AKAP6: variants seen among roughly 807,000 people sequenced by gnomAD.
AKAP6 encodes A-kinase anchoring protein 6.
A neutral mutation model predicts 188.5 loss-of-function variants in AKAP6; 58 were observed. The ratio of observed to expected loss-of-function variants is 0.31; its 90% CI spans 0.25 to 0.38. AKAP6 has a LOEUF of 0.38. AKAP6 is among the 10% of genes least tolerant of loss of function. AKAP6 has a pLI of 1.00. For missense variants in AKAP6, 2,710 were observed against 2,740.0 expected (o/e 0.99, Z 0.24); for synonymous variants, 989 against 998.6 (o/e 0.99, Z 0.18).
intron 1 of AKAP6, among the ~76,000 whole-genome samples, chr14:32,336,986 C>T (rs930787453): frequency 6.6e-5 from 10 of 152,124 alleles, no homozygotes; most frequent in African/African-American, 1.2e-4. Flanking sequence ...GGAAGAAATC[C>T]GCTTGCTTTT....
rs1017745371 is a variant in AKAP6 at position 32,802,995 on chromosome 14, G to A, written c.3589-18407G>A. On this transcript the variant is annotated intron_variant, in intron 12 of 13. Transcript: ENST00000280979. Reference sequence around the variant, plus strand: ...TGCCTGTAATCCTAGCTACTCAGGAGACTGAGGCAGGTGAATTGCTTGAAC... The same window carrying A: ...TGCCTGTAATCCTAGCTACTCAGGAAACTGAGGCAGGTGAATTGCTTGAAC... Among the ~76,000 whole-genome samples, 7 of 152,206 alleles carry A rather than the reference G, an allele frequency of 4.6e-5. No homozygotes were observed. In the East Asian group the frequency reaches 1.4e-3, roughly 30 times the overall value.
intron 12 of AKAP6, among the ~76,000 whole-genome samples, chr14:32,782,275 C>T (rs1487268282): frequency 6.6e-6 from 1 of 151,628 alleles, no homozygotes; most frequent in Non-Finnish European, 1.5e-5. Context: ...TAATGGGGAT[C>T]CACAGCTAAG....
chr14:32,640,088 A>G (rs1887687512), intron 7 of AKAP6, among the ~76,000 whole-genome samples: 1 of 150,726 alleles, frequency 6.6e-6, no homozygotes, highest in Admixed American at 6.7e-5. Flanking sequence ...TTTTAACAGA[A>G]TACAAAAAAT....
intron 2 of AKAP6, among the ~76,000 whole-genome samples, chr14:32,496,345 C>T (rs1317920928): frequency 6.6e-6 from 1 of 152,032 alleles, no homozygotes; most frequent in Admixed American, 6.6e-5. Flanking sequence ...GGATAAGTTT[C>T]TCAGGAACAA....
At chr14:32,442,292 C>T (rs1890601227) in intron 2 of AKAP6, 1 of 152,134 alleles carries the variant, frequency 6.6e-6, no homozygotes, top group African/African-American at 2.4e-5. Flanking sequence ...GCTTCATACC[C>T]TTGTACAGAT....
intron 2 of AKAP6, among the ~76,000 whole-genome samples, chr14:32,516,594 A>G (rs978014928): frequency 2.0e-5 from 3 of 152,228 alleles, no homozygotes; most frequent in Non-Finnish European, 4.4e-5. Flanking sequence ...CGTATATGTA[A>G]TGTGAAATAA....
intron 2 of AKAP6, among the ~76,000 whole-genome samples, chr14:32,442,805 G>T (rs1257099154): frequency 6.6e-6 from 1 of 151,948 alleles, no homozygotes; most frequent in East Asian, 1.9e-4. Context: ...AAGTCCTGGG[G>T]TCCCTTTGAG....
In AKAP6 at chr14:32,829,988, AGCCTTGTG is replaced by A; in HGVS notation, c.*184_*191del. ...CTTCCAAATGTGTTTTCTCCACACA[AGCCTTGTG>A]ATCTGAATGTGTGCGCTGGTTCTCT... On this transcript the variant is annotated 3_prime_UTR_variant, in exon 14 of 14. Coordinates refer to ENST00000280979, the MANE Select transcript of AKAP6 (RefSeq NM_004274.5). 2.8e-6 allele frequency: 2 copies of A among 702,624 alleles called. No individual in the cohort carries two copies. The highest frequency in any genetic ancestry group is 5.2e-6 in the Non-Finnish European group (2 of 384,714). 43.5% of individuals were successfully genotyped at this position (702,624 alleles called of 1,614,324 possible). A position where few individuals can be genotyped will look rare whatever the true frequency, so the allele number is the denominator to read the frequency against.
At chr14:32,713,860 A>G (rs2030032975) in intron 9 of AKAP6, among the ~76,000 whole-genome samples, 1 of 152,082 alleles carries the variant, frequency 6.6e-6, no homozygotes, top group Non-Finnish European at 1.5e-5. Context: ...TCACTGGAGT[A>G]GCACTTTTAA....
intron 7 of AKAP6, among the ~76,000 whole-genome samples, chr14:32,648,202 A>G (rs1290167395): frequency 1.3e-5 from 2 of 152,118 alleles, no homozygotes; most frequent in Non-Finnish European, 2.9e-5. Flanking sequence ...ATTGTTTCAA[A>G]AACAGACGTT....
chr14:32,522,568 G>C (rs112341449), intron 2 of AKAP6, among the ~76,000 whole-genome samples: 54 of 152,322 alleles, frequency 3.5e-4, no homozygotes, highest in African/African-American at 1.3e-3. Flanking sequence ...CATTTATGCA[G>C]CTAACAGACA....
At chr14:32,645,843 T>A (rs1456613248) in intron 7 of AKAP6, among the ~76,000 whole-genome samples, 3 of 152,170 alleles carry the variant, frequency 2.0e-5, no homozygotes, top group Non-Finnish European at 4.4e-5. Context: ...AATGGAAAAT[T>A]CTTGTTTTGA....
At chr14:32,815,583 A>G (rs1380389350) in intron 12 of AKAP6, among the ~76,000 whole-genome samples, 2 of 152,200 alleles carry the variant, frequency 1.3e-5, no homozygotes, top group Non-Finnish European at 2.9e-5. Context: ...CCTCATTTAC[A>G]GTGCAGTAGA....
intron 12 of AKAP6, among the ~76,000 whole-genome samples, chr14:32,774,655 TA>T (rs1422626693): frequency 6.6e-6 from 1 of 152,180 alleles, no homozygotes; most frequent in Non-Finnish European, 1.5e-5. Flanking sequence ...AATTTATCGA[TA>T]AAAAAGATTG....
At chr14:32,347,446 G>A (rs1004466419) in intron 1 of AKAP6, among the ~76,000 whole-genome samples, 7 of 152,176 alleles carry the variant, frequency 4.6e-5, no homozygotes, top group African/African-American at 1.4e-4. Flanking sequence ...ACCCACTTTC[G>A]GACTGTACAT....
chr14:32,541,233 G>T (rs371800928), intron 3 of AKAP6, among the ~76,000 whole-genome samples: 1 of 151,902 alleles, frequency 6.6e-6, no homozygotes, highest in Admixed American at 6.6e-5. Context: ...TTTGAGTATG[G>T]CGTTTTCTTT....
chr14:32,377,939 T>C (rs1464157000), intron 1 of AKAP6, among the ~76,000 whole-genome samples: 3 of 152,170 alleles, frequency 2.0e-5, no homozygotes, highest in Admixed American at 1.3e-4. Context: ...GTGGTGGTGG[T>C]ATATTGAAAA....
chr14:32,753,876 T>C (rs147467259), intron 11 of AKAP6, among the ~76,000 whole-genome samples: 1 of 152,230 alleles, frequency 6.6e-6, no homozygotes, highest in East Asian at 1.9e-4. Flanking sequence ...TCAGTTGGAC[T>C]ACATGTGTTT....
chr14:32,656,650 C>T (rs1308477421), intron 7 of AKAP6, among the ~76,000 whole-genome samples: 2 of 152,084 alleles, frequency 1.3e-5, no homozygotes, highest in Non-Finnish European at 2.9e-5. Flanking sequence ...AGCAATCTTT[C>T]GCTCATAGGC....
Sources: allele counts gnomAD v4.1 joint callset (sites outside exome capture counted in the v4.1 genomes callset), GRCh38; gene constraint gnomAD v4.1.1; transcripts MANE v1.5; gene names NCBI Gene and HGNC (gene_info 2026-07-23, HGNC 2026-07-21).